DLGAP2: variants seen among roughly 807,000 people sequenced by gnomAD.
DLGAP2 encodes the protein disks large-associated protein 2.
A neutral mutation model predicts 100.3 loss-of-function variants in DLGAP2; 26 were observed. That is an observed-to-expected ratio of 0.26 (90% CI 0.19 to 0.36). The LOEUF (loss-of-function observed/expected upper bound fraction) is 0.36, where lower values mean the gene tolerates loss of function less well. Among genes scored for constraint, DLGAP2 ranks in the 10% least tolerant of loss-of-function variants. DLGAP2 has a pLI of 1.00. For synonymous variants in DLGAP2, 886 were observed against 630.1 expected (o/e 1.41, Z -6.08); for missense variants, 1,858 against 1,453.2 (o/e 1.28, Z -4.53).
intron 2 of DLGAP2, among the ~76,000 whole-genome samples, chr8:1,008,855 G>T (rs757849291): frequency 2.6e-5 from 4 of 152,196 alleles, no homozygotes; most frequent in African/African-American, 9.6e-5. Context: ...TCCTGATTCC[G>T]CCCAGGCAGC....
chr8:1,373,279 C>A (rs1264147413), intron 3 of DLGAP2, among the ~76,000 whole-genome samples: 1 of 151,438 alleles, frequency 6.6e-6, no homozygotes, highest in Non-Finnish European at 1.5e-5. Flanking sequence ...CGCGTGCGGC[C>A]CGGAGGGTGT....
At chr8:985,979 G>A (rs1463998520) in intron 2 of DLGAP2, among the ~76,000 whole-genome samples, 1 of 152,158 alleles carries the variant, frequency 6.6e-6, no homozygotes, top group Non-Finnish European at 1.5e-5. Context: ...CTCATTAGAG[G>A]GGAGTATGAC....
chr8:1,382,294 T>C (rs1023768374), intron 3 of DLGAP2, among the ~76,000 whole-genome samples: 7 of 152,240 alleles, frequency 4.6e-5, no homozygotes, highest in African/African-American at 1.7e-4. Flanking sequence ...CATCCCCGTC[T>C]TCACGTTGAG....
At chr8:798,790 C>T (rs1235715681) in intron 1 of DLGAP2, among the ~76,000 whole-genome samples, 2 of 146,876 alleles carry the variant, frequency 1.4e-5, no homozygotes, top group Non-Finnish European at 3.0e-5. Context: ...AGCCCCGTGC[C>T]CTGGTGCTGG....
intron 3 of DLGAP2, among the ~76,000 whole-genome samples, chr8:1,489,898 A>AT (rs146743200): frequency 0.035 from 5,148 of 149,120 alleles, 138 homozygotes; most frequent in Non-Finnish European, 0.055. Context: ...AGGCATATCA[A>AT]TTTTTTTTTT....
intron 3 of DLGAP2, among the ~76,000 whole-genome samples, chr8:1,321,842 A>T: frequency 6.6e-6 from 1 of 152,228 alleles, no homozygotes; most frequent in Admixed American, 6.5e-5. Context: ...TGGATAAACA[A>T]GGGTTCCTTT....
chr8:1,062,191 C>A (rs1224635195), intron 2 of DLGAP2, among the ~76,000 whole-genome samples: 1 of 152,146 alleles, frequency 6.6e-6, no homozygotes, highest in African/African-American at 2.4e-5. Flanking sequence ...ACCAAGCAGC[C>A]CCCACATCCA....
At chr8:1,481,217 G>T (rs1021289346) in intron 3 of DLGAP2, among the ~76,000 whole-genome samples, 7 of 149,134 alleles carry the variant, frequency 4.7e-5, no homozygotes, top group African/African-American at 1.5e-4. Context: ...ATGAAAGAAG[G>T]TTGAAGGAGG....
Position 949,721 on chromosome 8 carries a change from G to A in DLGAP2, c.73+41755G>A, listed in dbSNP as rs544313064. 1.7e-3 allele frequency among the ~76,000 whole-genome samples: 261 copies of A among 152,312 alleles called. 1 individual carries two copies. Among genetic ancestry groups the A allele is most frequent in the African/African-American group, 6.1e-3 (252 of 41,580 alleles). On this transcript the variant is annotated intron_variant, in intron 2 of 14. Coordinates refer to ENST00000637795, the MANE Select transcript of DLGAP2 (RefSeq NM_001346810.2). ...CCCCGGTTGTCCTCAGGTCAGTTCA[G>A]GGACCCGGCAGATGTTCTGCTGTCA... is the stretch of plus-strand genomic sequence containing the variant.
At chr8:960,431 C>T (rs953321292) in intron 2 of DLGAP2, among the ~76,000 whole-genome samples, 7 of 151,638 alleles carry the variant, frequency 4.6e-5, no homozygotes, top group Non-Finnish European at 1.0e-4. Flanking sequence ...GGAGTTTCAC[C>T]ACATTGGCCA....
chr8:1,449,819 C>T (rs553214816), intron 3 of DLGAP2, among the ~76,000 whole-genome samples: 22 of 145,894 alleles, frequency 1.5e-4, no homozygotes, highest in Non-Finnish European at 2.4e-4. Context: ...ACGAGGTGGG[C>T]GGCCTCGGTG....
At chr8:1,417,635 G>T (rs79223701) in intron 3 of DLGAP2, among the ~76,000 whole-genome samples, 9,188 of 102,698 alleles carry the variant, frequency 0.089, 980 homozygotes, top group Middle Eastern at 0.17. Flanking sequence ...CCGCCTCCAG[G>T]GGGGCACGGG....
chr8:1,317,997 G>A (rs1173291158), intron 3 of DLGAP2, among the ~76,000 whole-genome samples: 3 of 25,102 alleles, frequency 1.2e-4, no homozygotes, highest in African/African-American at 5.8e-4. Flanking sequence ...GAGAAACTCG[G>A]CAGCTTTTAA....
intron 3 of DLGAP2, among the ~76,000 whole-genome samples, chr8:1,412,740 A>G (rs1796767420): frequency 6.6e-6 from 1 of 152,192 alleles, no homozygotes; most frequent in Admixed American, 6.5e-5. Context: ...CAAGACCTCT[A>G]CAGGCAAAAG....
intron 1 of DLGAP2, among the ~76,000 whole-genome samples, chr8:741,079 C>T (rs909803880): frequency 2.0e-5 from 3 of 152,192 alleles, no homozygotes; most frequent in African/African-American, 4.8e-5. Flanking sequence ...TTTCATCATA[C>T]GAGGCTTTCT....
At chr8:905,264 T>C (rs1584879015) in intron 1 of DLGAP2, among the ~76,000 whole-genome samples, 3 of 151,854 alleles carry the variant, frequency 2.0e-5, no homozygotes, top group Admixed American at 1.3e-4. Flanking sequence ...GTGCAGTGAG[T>C]GGCTCTGCTG....
intron 3 of DLGAP2, among the ~76,000 whole-genome samples, chr8:1,451,563 C>A (rs945194341): frequency 2.0e-5 from 3 of 152,102 alleles, no homozygotes; most frequent in Non-Finnish European, 4.4e-5. Context: ...CGCCTCTGGC[C>A]TCATCAAATC....
Position 1,669,767 on chromosome 8 carries a change from C to T in DLGAP2, c.2185C>T (p.Pro729Ser), listed in dbSNP as rs1234632939. Residue 729 changes from proline (P) to serine (S), a missense_variant, in exon 10 of 15, where the codon CCA (proline) becomes TCA (serine). By Grantham distance (74) the Pro-to-Ser change is moderately conservative. Coordinates refer to ENST00000637795, the MANE Select transcript of DLGAP2 (RefSeq NM_001346810.2). Reference protein sequence around the residue: ...IQDSEFPEHQPYPRSDVETAT... With the variant: ...IQDSEFPEHQSYPRSDVETAT... ...GGATTCTGAATTCCCAGAGCATCAGCCATACCCAAGGTCAGATGTAAGTAC... is the reference window on the plus strand; with the variant it reads ...GGATTCTGAATTCCCAGAGCATCAGTCATACCCAAGGTCAGATGTAAGTAC... 1.3e-6 allele frequency: 1 copy of T among 780,946 alleles called. No individual in the cohort carries two copies. Among genetic ancestry groups the T allele is most frequent in the Non-Finnish European group, 2.4e-6 (1 of 417,994 alleles). The allele number at this position is 780,946 out of a possible 1,614,324, so 48.4% of individuals were successfully genotyped here. A position where few individuals can be genotyped will look rare whatever the true frequency, so the allele number is the denominator to read the frequency against.
chr8:1,687,016 AAC>A (rs1342756249), intron 12 of DLGAP2, among the ~76,000 whole-genome samples: 3 of 152,168 alleles, frequency 2.0e-5, no homozygotes, highest in South Asian at 4.1e-4. Context: ...ATCCATTAAA[AAC>A]ACACAGAAAC....
Sources: allele counts gnomAD v4.1 joint callset (sites outside exome capture counted in the v4.1 genomes callset), GRCh38; gene constraint gnomAD v4.1.1; transcripts MANE v1.5; gene names NCBI Gene and HGNC (gene_info 2026-07-23, HGNC 2026-07-21).